The following AKAP19 variants were observed in gnomAD, a reference collection of about 807,000 sequenced individuals.
AKAP19 encodes the protein small A-kinase anchoring protein.
chr2:189,987,336 T>C, the AKAP19 span, among the ~76,000 whole-genome samples: 1 of 152,238 alleles, frequency 6.6e-6, no homozygotes, highest in South Asian at 2.1e-4. Flanking sequence ...CATGTAGAAC[T>C]GTAAGTCCAA....
At chr2:190,177,888 A>G in the AKAP19 span, among the ~76,000 whole-genome samples, 3 of 152,214 alleles carry the variant, frequency 2.0e-5, no homozygotes, top group South Asian at 4.1e-4. This position sits in a 1 kb window ranked among gnomAD's most constrained non-coding sequence, Gnocchi z 4.6. Context: ...TTCAAATTCC[A>G]GGATTTTATC....
chr2:189,923,986 T>C, the AKAP19 span: 2 of 1,509,542 alleles, frequency 1.3e-6, no homozygotes, highest in Non-Finnish European at 1.8e-6. Context: ...AGATGAACAA[T>C]GTTAAGTCAG....
chr2:189,923,835 G>T, the AKAP19 span: 2 of 1,610,574 alleles, frequency 1.2e-6, no homozygotes, highest in East Asian at 2.2e-5. Context: ...AGTGGACAGC[G>T]GGGATCTTCC....
chr2:189,900,826 AG>A, the AKAP19 span, among the ~76,000 whole-genome samples: 6 of 152,310 alleles, frequency 3.9e-5, no homozygotes, highest in South Asian at 1.2e-3. Context: ...CAAATGGGCA[AG>A]ACAGGAGCTG....
the AKAP19 span, among the ~76,000 whole-genome samples, chr2:189,969,969 C>T: frequency 2.0e-5 from 3 of 149,600 alleles, no homozygotes; most frequent in East Asian, 4.1e-4. Context: ...ATCTCCCAGG[C>T]TCAGGTGATT....
the AKAP19 span, chr2:190,180,485 C>G: frequency 2.0e-6 from 2 of 985,594 alleles, no homozygotes; most frequent in South Asian, 9.4e-5. This position sits in a 1 kb window ranked among gnomAD's most constrained non-coding sequence, Gnocchi z 6.8. Context: ...CTCTTACTTT[C>G]ATTGACCTCT....
chr2:189,963,580 T>C, the AKAP19 span, among the ~76,000 whole-genome samples: 2 of 152,128 alleles, frequency 1.3e-5, no homozygotes, highest in African/African-American at 4.8e-5. Context: ...ATCTTGAACA[T>C]CTCAAAGTCA....
chr2:190,188,066 T>C, the AKAP19 span, among the ~76,000 whole-genome samples: 6 of 152,196 alleles, frequency 3.9e-5, no homozygotes, highest in Admixed American at 6.5e-5. Context: ...GTCTGTGCAT[T>C]GTGATTTGAG....
the AKAP19 span, among the ~76,000 whole-genome samples, chr2:190,086,074 G>A: frequency 6.6e-6 from 1 of 152,182 alleles, no homozygotes; most frequent in Non-Finnish European, 1.5e-5. Flanking sequence ...AGGTTCTAAT[G>A]AATCCAACTA....
chr2:190,044,269 C>T, the AKAP19 span, among the ~76,000 whole-genome samples: 1 of 152,088 alleles, frequency 6.6e-6, no homozygotes, highest in Non-Finnish European at 1.5e-5. Flanking sequence ...GGGTCATTTG[C>T]TTGTCTCCTG....
At chr2:189,895,231 C>T in the AKAP19 span, among the ~76,000 whole-genome samples, 2 of 152,106 alleles carry the variant, frequency 1.3e-5, no homozygotes, top group African/African-American at 2.4e-5. Context: ...AAGATCACCA[C>T]GAAACTTCCA....
At chr2:190,022,187 A>G in the AKAP19 span, among the ~76,000 whole-genome samples, 4 of 152,168 alleles carry the variant, frequency 2.6e-5, no homozygotes, top group Non-Finnish European at 4.4e-5. Flanking sequence ...ATTGGGGATT[A>G]AATTTCAACA....
At chr2:190,189,717 G>C in the AKAP19 span, 1 of 152,092 alleles carries the variant, frequency 6.6e-6, no homozygotes, top group Non-Finnish European at 1.5e-5. Context: ...ACACAATAAA[G>C]GACAAAAGAC....
chr2:190,036,877 G>A, the AKAP19 span, among the ~76,000 whole-genome samples: 1 of 152,142 alleles, frequency 6.6e-6, no homozygotes, highest in Non-Finnish European at 1.5e-5. Flanking sequence ...TTAACCAGGT[G>A]CAACATTATC....
At chr2:190,027,572 ATAT>A in the AKAP19 span, among the ~76,000 whole-genome samples, 2 of 152,214 alleles carry the variant, frequency 1.3e-5, no homozygotes, top group African/African-American at 4.8e-5. Flanking sequence ...TGATACTCTA[ATAT>A]TTCTGAGTAG....
At chr2:190,148,704 G>A in the AKAP19 span, among the ~76,000 whole-genome samples, 3 of 151,848 alleles carry the variant, frequency 2.0e-5, no homozygotes, top group Non-Finnish European at 2.9e-5. Flanking sequence ...GTCTGTTCAG[G>A]GTATCTAATT....
the AKAP19 span, among the ~76,000 whole-genome samples, chr2:190,010,071 A>C: frequency 6.6e-6 from 1 of 152,218 alleles, no homozygotes; most frequent in African/African-American, 2.4e-5. Flanking sequence ...CACCATGCTC[A>C]TGTGTTGACA....
At chr2:190,009,380 G>C in the AKAP19 span, among the ~76,000 whole-genome samples, 3 of 152,162 alleles carry the variant, frequency 2.0e-5, no homozygotes, top group African/African-American at 7.2e-5. Flanking sequence ...GAAATGTTAA[G>C]AAATGTTGGA....
At chr2:190,065,223 G>T in the AKAP19 span, among the ~76,000 whole-genome samples, 1 of 152,078 alleles carries the variant, frequency 6.6e-6, no homozygotes, top group African/African-American at 2.4e-5. Flanking sequence ...GTGCTGCGTG[G>T]TGTTCCTATG....
Sources: allele counts gnomAD v4.1 joint callset (sites outside exome capture counted in the v4.1 genomes callset), GRCh38; gene constraint gnomAD v4.1.1; non-coding constraint Gnocchi (gnomAD v3.1); transcripts MANE v1.5; gene names NCBI Gene and HGNC (gene_info 2026-07-23, HGNC 2026-07-21).